NACC2: variants seen among roughly 807,000 people sequenced by gnomAD.
NACC2 encodes nucleus accumbens-associated protein 2.
A neutral mutation model predicts 25.1 loss-of-function variants in NACC2; 8 were observed. The observed-to-expected ratio is 0.32, with a 90% CI of 0.19 to 0.57. NACC2 has a LOEUF of 0.57. Among genes scored for constraint, NACC2 ranks in the 20% least tolerant of loss-of-function variants. The probability of loss-of-function intolerance (pLI) is 0.89; values close to 1 mark genes in which losing one functional copy is unlikely to be tolerated. For synonymous variants in NACC2, 435 were observed against 294.7 expected (o/e 1.48, Z -4.88); for missense variants, 644 against 650.2 (o/e 0.99, Z 0.10).
At chr9:136,080,706 G>A (rs1020115665) in intron 1 of NACC2, among the ~76,000 whole-genome samples, 2 of 152,234 alleles carry the variant, frequency 1.3e-5, no homozygotes, top group African/African-American at 2.4e-5. Context: ...GTCGTGGAGT[G>A]TGGGTTAGCT....
Position 136,016,428 on chromosome 9 carries a change from C to T in NACC2, c.888G>A (p.Val296=). 3 of 1,610,876 alleles carry T rather than the reference C, an allele frequency of 1.9e-6. No homozygotes were observed. The highest frequency in any genetic ancestry group is 1.7e-6 in the Non-Finnish European group (2 of 1,179,690). Residue 296 remains valine (V), a splice_region_variant and synonymous_variant, in exon 3 of 6, where the codon GTG becomes GTA. Transcript: ENST00000277554. ...GCGGCACTGGCTCAGGCTTCTCTTG[C>T]ACTGTGGGCCCAGAACCAACCTGGT... ...MYIKASGSYA[V]QEKPEPVPLE...
intron 2 of NACC2, among the ~76,000 whole-genome samples, chr9:136,036,523 A>T (rs981115089): frequency 1.3e-5 from 2 of 152,230 alleles, no homozygotes; most frequent in African/African-American, 2.4e-5. Flanking sequence ...ATACACATAC[A>T]TCTATATAAA....
At chr9:136,051,195 G>C (rs1481885442) in intron 1 of NACC2, among the ~76,000 whole-genome samples, 1 of 152,208 alleles carries the variant, frequency 6.6e-6, no homozygotes, top group Non-Finnish European at 1.5e-5. Flanking sequence ...GGGGTGCCGG[G>C]AAGTCCGCTG....
At chr9:136,083,552 A>T (rs1158211692) in intron 1 of NACC2, among the ~76,000 whole-genome samples, 1 of 152,246 alleles carries the variant, frequency 6.6e-6, no homozygotes, top group Non-Finnish European at 1.5e-5. Context: ...GCAGGTCCAG[A>T]GGTGTCTTCT....
chr9:136,037,955 C>T (rs1840578610), intron 2 of NACC2, among the ~76,000 whole-genome samples: 1 of 152,158 alleles, frequency 6.6e-6, no homozygotes, highest in Non-Finnish European at 1.5e-5. Flanking sequence ...GTCCTTTAAC[C>T]AGTGAATGCG....
intron 1 of NACC2, among the ~76,000 whole-genome samples, chr9:136,088,494 G>A (rs1334527427): frequency 2.0e-5 from 3 of 152,182 alleles, no homozygotes; most frequent in South Asian, 2.1e-4. Flanking sequence ...ACGAGCCACT[G>A]CGCATGGACA....
intron 2 of NACC2, among the ~76,000 whole-genome samples, chr9:136,041,563 C>G (rs1046061839): frequency 3.1e-4 from 47 of 152,066 alleles, no homozygotes; most frequent in Non-Finnish European, 5.6e-4. Context: ...GGAATCTACA[C>G]AGAGAGTAGA....
At position 136,049,707 on chromosome 9, in the gene NACC2, T is replaced by C; in HGVS notation, c.815A>G (p.Asp272Gly). ...SYHNEEDEED[D>G]EAYDTMVEEQ... ...CTCCACCATGGTGTCGTAGGCCTCG[T>C]CGTCCTCCTCGTCCTCCTCGTTGTG... The change falls in exon 2 of 6, where the codon GAC becomes GGC. Residue 272 changes from aspartate (D) to glycine (G), a missense_variant. Transcript: ENST00000277554. 1 of 779,106 alleles carries C rather than the reference T, an allele frequency of 1.3e-6. No individual in the cohort carries two copies. The highest frequency in any genetic ancestry group is 2.4e-5 in the East Asian group (1 of 41,150). The allele number at this position is 779,106 out of a possible 1,614,324, so 48.3% of individuals were successfully genotyped here. A position where few individuals can be genotyped will look rare whatever the true frequency, so the allele number is the denominator to read the frequency against.
In NACC2 at chr9:136,018,273, T is replaced by C. The variant is rs890803349; in HGVS notation, c.887-1844A>G. 2.0e-5 allele frequency among the ~76,000 whole-genome samples: 3 copies of C among 151,388 alleles called. No individual in the cohort carries two copies. The highest frequency in any genetic ancestry group is 7.3e-5 in the African/African-American group (3 of 41,232). ...GCTGAGCCTCGGGGCGTGGGGGGGC[T>C]GCCAAGGGGGCTGCTGGGGAGCAGC... On this transcript the variant is annotated intron_variant, in intron 2 of 5. Transcript: ENST00000277554. The surrounding 1 kb of genome is among the most constrained non-coding windows in gnomAD (Gnocchi z 4.4).
At chr9:136,036,377 C>A (rs1406723192) in intron 2 of NACC2, among the ~76,000 whole-genome samples, 1 of 151,806 alleles carries the variant, frequency 6.6e-6, no homozygotes, top group South Asian at 2.1e-4. Context: ...AGTGAAAAAC[C>A]ACAGAAAGGT....
rs1321241670 is a variant in NACC2 at position 136,014,056 on chromosome 9, G to A, written c.1052-87C>T. 9.9e-6 allele frequency: 6 copies of A among 608,334 alleles called. 1 individual carries two copies. Among genetic ancestry groups the A allele is most frequent in the East Asian group, 8.3e-5 (2 of 23,994 alleles). The allele number at this position is 608,334 out of a possible 1,614,324, so 37.7% of individuals were successfully genotyped here. A position where few individuals can be genotyped will look rare whatever the true frequency, so the allele number is the denominator to read the frequency against. Reference sequence around the variant, plus strand: ...GCACAGATGGGTGAGGGGGAGGGGGGGAGGTGGAGGGGGAGGAGGAGCTGG... The same window carrying A: ...GCACAGATGGGTGAGGGGGAGGGGGAGAGGTGGAGGGGGAGGAGGAGCTGG... On this transcript the variant is annotated intron_variant, in intron 3 of 5. Transcript: ENST00000277554.
intron 2 of NACC2, among the ~76,000 whole-genome samples, chr9:136,037,419 G>A (rs1026015907): frequency 6.6e-6 from 1 of 151,420 alleles, no homozygotes; most frequent in Admixed American, 6.6e-5. Flanking sequence ...CCATACCACA[G>A]TTTGCATATT....
chr9:136,085,137 ATTTTTTTTTT>A lies in NACC2; in HGVS notation c.-60+10042_-60+10051del, dbSNP rs913472378. Among the ~76,000 whole-genome samples the A allele has an allele frequency of 3.1e-4, 26 of 82,770 alleles. 1 individual carries two copies. Among genetic ancestry groups the A allele is most frequent in the African/African-American group, 1.1e-3 (25 of 22,662 alleles). The allele number at this position is 82,770 out of a possible 152,430, so 54.3% of individuals were successfully genotyped here. Reference sequence around the variant, plus strand: ...AACATAGGAAGACTCCATTTCTACAATTTTTTTTTTTTTTTTTTTTTTTTTTGGCGAGACT... The same window carrying A: ...AACATAGGAAGACTCCATTTCTACAATTTTTTTTTTTTTTTTGGCGAGACT... On this transcript the variant is annotated intron_variant, in intron 1 of 5. Transcript: ENST00000277554.
At chr9:136,088,807 G>A (rs940226259) in intron 1 of NACC2, among the ~76,000 whole-genome samples, 1 of 152,186 alleles carries the variant, frequency 6.6e-6, no homozygotes, top group Non-Finnish European at 1.5e-5. Flanking sequence ...TGGGCAGAAA[G>A]CACAAGGGCT....
intron 1 of NACC2, among the ~76,000 whole-genome samples, chr9:136,063,656 G>A (rs1326252942): frequency 6.6e-6 from 1 of 152,208 alleles, no homozygotes; most frequent in Admixed American, 6.5e-5. Flanking sequence ...GCCAAGGCGG[G>A]TGGATCACCT....
chr9:136,029,553 G>A, intron 2 of NACC2, among the ~76,000 whole-genome samples: 1 of 152,252 alleles, frequency 6.6e-6, no homozygotes, highest in East Asian at 1.9e-4. Context: ...TGTGGGCAAT[G>A]AGGAGAGAAG....
At chr9:136,089,514 T>G (rs1318316713) in intron 1 of NACC2, among the ~76,000 whole-genome samples, 1 of 151,778 alleles carries the variant, frequency 6.6e-6, no homozygotes, top group Non-Finnish European at 1.5e-5. Context: ...GGGCTCCTGT[T>G]AGCCCCTCCC....
chr9:136,083,520 A>G (rs1197788775), intron 1 of NACC2, among the ~76,000 whole-genome samples: 2 of 152,250 alleles, frequency 1.3e-5, no homozygotes, highest in African/African-American at 2.4e-5. Flanking sequence ...TCAAGTTCAC[A>G]TGAGAGCTTC....
chr9:136,080,875 A>C (rs1035144120), intron 1 of NACC2, among the ~76,000 whole-genome samples: 2 of 152,158 alleles, frequency 1.3e-5, no homozygotes, highest in Non-Finnish European at 2.9e-5. Context: ...TCAGGCCCCC[A>C]GCAGAGCCGC....
Sources: allele counts gnomAD v4.1 joint callset (sites outside exome capture counted in the v4.1 genomes callset), GRCh38; gene constraint gnomAD v4.1.1; non-coding constraint Gnocchi (gnomAD v3.1); transcripts MANE v1.5; gene names NCBI Gene and HGNC (gene_info 2026-07-23, HGNC 2026-07-21).